Variants in ANAPC10 observed in about 807,000 individuals in gnomAD.
ANAPC10 encodes the protein anaphase promoting complex subunit 10.
A neutral mutation model predicts 22.0 loss-of-function variants in ANAPC10; 12 were observed. That is an observed-to-expected ratio of 0.55 (90% confidence interval 0.35 to 0.88). The LOEUF (loss-of-function observed/expected upper bound fraction) is 0.88. ANAPC10 is among the 40% of genes least tolerant of loss of function. ANAPC10 has a pLI of 0.01. For synonymous variants in ANAPC10, 65 were observed against 69.5 expected, an observed-to-expected ratio of 0.94 and a Z score of 0.32; for missense variants, 188 against 220.9, an observed-to-expected ratio of 0.85 and a Z score of 0.94.
At chr4:145,007,709 C>A (rs1227321007) in intron 4 of ANAPC10, among the ~76,000 whole-genome samples, 1 of 151,708 alleles carries the variant, frequency 6.6e-6, no homozygotes, top group Non-Finnish European at 1.5e-5. Flanking sequence ...GCACTAAATG[C>A]CCACAAGAGA....
intron 4 of ANAPC10, among the ~76,000 whole-genome samples, chr4:145,022,558 A>C (rs1243407132): frequency 6.6e-6 from 1 of 152,048 alleles, no homozygotes; most frequent in East Asian, 1.9e-4. Flanking sequence ...AGGGTGGTGC[A>C]ATGTATACTG....
chr4:145,096,778 T>G (rs1337614312), intron 1 of ANAPC10, among the ~76,000 whole-genome samples: 1 of 152,026 alleles, frequency 6.6e-6, no homozygotes, highest in African/African-American at 2.4e-5. Context: ...TTGAACACCT[T>G]GCTTCAAGCG....
intron 4 of ANAPC10, among the ~76,000 whole-genome samples, chr4:145,061,522 C>A (rs1030857382): frequency 2.6e-5 from 4 of 152,082 alleles, no homozygotes; most frequent in Admixed American, 2.6e-4. Context: ...AAATAAAGGA[C>A]AACAGTGACA....
chr4:145,051,027 T>A (rs1273580584), intron 4 of ANAPC10, among the ~76,000 whole-genome samples: 1 of 152,246 alleles, frequency 6.6e-6, no homozygotes, highest in Non-Finnish European at 1.5e-5. Flanking sequence ...TTTCAGCATA[T>A]CTTGGCTTTC....
chr4:145,009,658 C>T (rs1481807400), intron 4 of ANAPC10, among the ~76,000 whole-genome samples: 5 of 151,328 alleles, frequency 3.3e-5, no homozygotes, highest in Admixed American at 6.6e-5. Flanking sequence ...TTACACCTTA[C>T]ACAAAAATTA....
At chr4:145,020,935 A>G (rs1489766691) in intron 4 of ANAPC10, among the ~76,000 whole-genome samples, 2 of 152,180 alleles carry the variant, frequency 1.3e-5, no homozygotes, top group African/African-American at 4.8e-5. Context: ...AACACCACTG[A>G]AAGAAATCAT....
chr4:145,073,148 C>A (rs1744720719), intron 3 of ANAPC10, among the ~76,000 whole-genome samples: 1 of 152,176 alleles, frequency 6.6e-6, no homozygotes, highest in South Asian at 2.1e-4. Context: ...CCTACCTCAG[C>A]CTCCCAAAGT....
At chr4:145,090,650 TTCC>T (rs1457161849) in intron 2 of ANAPC10, among the ~76,000 whole-genome samples, 2 of 152,214 alleles carry the variant, frequency 1.3e-5, no homozygotes, top group Non-Finnish European at 2.9e-5. Context: ...CTGTACTAGT[TTCC>T]TCATTTGGAA....
chr4:145,058,844 A>C (rs34323114), intron 4 of ANAPC10, among the ~76,000 whole-genome samples: 1 of 152,142 alleles, frequency 6.6e-6, no homozygotes, highest in South Asian at 2.1e-4. Flanking sequence ...ATAATAAATA[A>C]AAGTTTTCAA....
intron 3 of ANAPC10, among the ~76,000 whole-genome samples, chr4:145,078,633 A>C (rs765850219): frequency 2.6e-5 from 4 of 152,200 alleles, no homozygotes; most frequent in Non-Finnish European, 5.9e-5. Flanking sequence ...ACTAAACTTC[A>C]AAACAACAGT....
At chr4:145,066,800 G>T (rs1327837975) in intron 3 of ANAPC10, among the ~76,000 whole-genome samples, 1 of 151,686 alleles carries the variant, frequency 6.6e-6, no homozygotes, top group African/African-American at 2.4e-5. Context: ...TAACACTTAG[G>T]TTAATAACTG....
intron 4 of ANAPC10, among the ~76,000 whole-genome samples, chr4:145,042,493 T>C (rs920216978): frequency 6.6e-6 from 1 of 152,150 alleles, no homozygotes; most frequent in African/African-American, 2.4e-5. Flanking sequence ...CACATATATC[T>C]TCAACAAAAT....
chr4:145,014,353 G>A (rs942633318), intron 4 of ANAPC10, among the ~76,000 whole-genome samples: 3 of 151,920 alleles, frequency 2.0e-5, no homozygotes, highest in Non-Finnish European at 4.4e-5. Flanking sequence ...TGACTCAGCA[G>A]AGGCAGCCAT....
At chr4:145,081,110 T>A (rs1745951231) in intron 3 of ANAPC10, among the ~76,000 whole-genome samples, 1 of 151,646 alleles carries the variant, frequency 6.6e-6, no homozygotes, top group African/African-American at 2.4e-5. Context: ...GTCTCTTATT[T>A]AAAATTTTAA....
chr4:145,055,395 T>G (rs1314205934), intron 4 of ANAPC10, among the ~76,000 whole-genome samples: 3 of 151,874 alleles, frequency 2.0e-5, no homozygotes, highest in African/African-American at 7.3e-5. Context: ...CTGTCTACAC[T>G]AAAAATACAA....
chr4:144,998,832 G>GT (rs1422157885), intron 4 of ANAPC10, among the ~76,000 whole-genome samples: 2 of 152,148 alleles, frequency 1.3e-5, no homozygotes, highest in African/African-American at 2.4e-5. Context: ...ACAGGAGCTG[G>GT]TTTTTTGAAA....
At chr4:145,031,360 C>A (rs1205007249) in intron 4 of ANAPC10, among the ~76,000 whole-genome samples, 2 of 152,174 alleles carry the variant, frequency 1.3e-5, no homozygotes, top group African/African-American at 4.8e-5. Flanking sequence ...AATTCCGGGA[C>A]CGTCGACCTC....
At chr4:145,004,147 T>C (rs959165349) in intron 4 of ANAPC10, among the ~76,000 whole-genome samples, 2 of 152,148 alleles carry the variant, frequency 1.3e-5, no homozygotes, top group African/African-American at 4.8e-5. Flanking sequence ...AGCTTGGATG[T>C]TGTTGGAGTA....
chr4:145,046,660 A>G (rs1357457963), intron 4 of ANAPC10, among the ~76,000 whole-genome samples: 5 of 152,088 alleles, frequency 3.3e-5, no homozygotes, highest in Admixed American at 3.3e-4. Flanking sequence ...TTAAATCTGT[A>G]TATCTACTCG....
Sources: allele counts gnomAD v4.1 joint callset (sites outside exome capture counted in the v4.1 genomes callset), GRCh38; gene constraint gnomAD v4.1.1; transcripts MANE v1.5; gene names NCBI Gene and HGNC (gene_info 2026-07-23, HGNC 2026-07-21).